The following LRMDA variants were observed in gnomAD, a reference collection of about 807,000 sequenced individuals.
LRMDA encodes leucine rich melanocyte differentiation associated.
LRMDA carries 18 observed loss-of-function variants against 29.8 expected under a neutral mutation model. That is an observed-to-expected ratio of 0.60 (90% CI 0.42 to 0.90). LRMDA has a LOEUF of 0.90. Ranked by LOEUF, LRMDA falls within the 40% of genes least tolerant of loss-of-function variation. LRMDA has a pLI of 0.00. For missense variants in LRMDA, 273 were observed against 273.9 expected, an observed-to-expected ratio of 1.00 and a Z score of 0.02; for synonymous variants, 125 against 109.4, an observed-to-expected ratio of 1.14 and a Z score of -0.89.
At chr10:76,194,826 C>G (rs539023538) in intron 5 of LRMDA, among the ~76,000 whole-genome samples, 39 of 152,260 alleles carry the variant, frequency 2.6e-4, no homozygotes, top group African/African-American at 9.4e-4. Flanking sequence ...CTCTATCAAA[C>G]AAAGTCAAGC....
intron 2 of LRMDA, among the ~76,000 whole-genome samples, chr10:75,980,145 C>T (rs985220099): frequency 2.6e-5 from 4 of 152,152 alleles, no homozygotes; most frequent in Non-Finnish European, 4.4e-5. Context: ...AGGGATAATT[C>T]GTGATGGAGA....
chr10:76,007,031 T>TGTGTGCGC (rs1230411095), intron 2 of LRMDA, among the ~76,000 whole-genome samples: 4 of 26,906 alleles, frequency 1.5e-4, no homozygotes, highest in Admixed American at 8.2e-4. Flanking sequence ...TGTGTGTGTG[T>TGTGTGCGC]GCGCGTGTGT....
chr10:75,627,947 T>G (rs1841272573), intron 2 of LRMDA, among the ~76,000 whole-genome samples: 1 of 152,250 alleles, frequency 6.6e-6, no homozygotes, highest in Admixed American at 6.5e-5. Flanking sequence ...TTGCTTTCAC[T>G]GAGTGGGCAG....
chr10:75,848,898 A>T (rs1008451984), intron 2 of LRMDA, among the ~76,000 whole-genome samples: 53 of 152,162 alleles, frequency 3.5e-4, no homozygotes, highest in Non-Finnish European at 4.0e-4. Flanking sequence ...GCTGTCTATC[A>T]CAGGGGCTGT....
At chr10:75,811,812 C>G (rs569940315) in intron 2 of LRMDA, among the ~76,000 whole-genome samples, 2 of 152,282 alleles carry the variant, frequency 1.3e-5, no homozygotes, top group African/African-American at 2.4e-5. Context: ...GCTCATTCAG[C>G]AAAACGGAGC....
intron 5 of LRMDA, among the ~76,000 whole-genome samples, chr10:76,180,123 G>T (rs1003135614): frequency 6.6e-6 from 1 of 151,932 alleles, no homozygotes; most frequent in Non-Finnish European, 1.5e-5. Context: ...TTCGATTTTG[G>T]GTAAACTTGA....
At chr10:75,548,053 A>T (rs1424629286) in intron 2 of LRMDA, among the ~76,000 whole-genome samples, 1 of 151,984 alleles carries the variant, frequency 6.6e-6, no homozygotes, top group Non-Finnish European at 1.5e-5. Flanking sequence ...ATCATTCTGT[A>T]TCTTTGTGGA....
chr10:76,323,975 C>T (rs1840803182), intron 5 of LRMDA, among the ~76,000 whole-genome samples: 1 of 152,192 alleles, frequency 6.6e-6, no homozygotes, highest in Non-Finnish European at 1.5e-5. Context: ...GAAGTCAGCC[C>T]TGGTTTTCCC....
At chr10:75,734,595 A>T (rs61860539) in intron 2 of LRMDA, among the ~76,000 whole-genome samples, 2 of 152,346 alleles carry the variant, frequency 1.3e-5, no homozygotes, top group South Asian at 4.1e-4. Context: ...CCATGGATTC[A>T]TGCATGTGTT....
chr10:75,579,814 C>CA (rs1254577465), intron 2 of LRMDA, among the ~76,000 whole-genome samples: 5 of 152,134 alleles, frequency 3.3e-5, no homozygotes, highest in African/African-American at 4.8e-5. Flanking sequence ...GAACCAATGA[C>CA]AAAAATCACA....
intron 5 of LRMDA, among the ~76,000 whole-genome samples, chr10:76,171,614 G>C (rs369728086): frequency 9.8e-5 from 15 of 152,324 alleles, no homozygotes; most frequent in African/African-American, 3.6e-4. Flanking sequence ...AAAAGGGAAG[G>C]GGGAGGATTT....
chr10:76,333,897 A>T (rs1456422677), intron 6 of LRMDA, among the ~76,000 whole-genome samples: 2 of 152,188 alleles, frequency 1.3e-5, no homozygotes, highest in African/African-American at 2.4e-5. Context: ...AGCTATAAGG[A>T]AGCCAGCATG....
At chr10:75,627,261 A>AT (rs202176437) in intron 2 of LRMDA, among the ~76,000 whole-genome samples, 2,831 of 152,258 alleles carry the variant, frequency 0.019, 76 homozygotes, top group African/African-American at 0.065. Flanking sequence ...ACACAGTGTG[A>AT]TTTTTTATAT....
chr10:76,023,802 T>A (rs1229302247), intron 2 of LRMDA, among the ~76,000 whole-genome samples: 1 of 152,254 alleles, frequency 6.6e-6, no homozygotes, highest in Non-Finnish European at 1.5e-5. Context: ...TCTGGAGGTT[T>A]AGCCACTGAC....
chr10:75,537,691 G>A (rs10437384), intron 2 of LRMDA, among the ~76,000 whole-genome samples: 3,820 of 152,318 alleles, frequency 0.025, 174 homozygotes, highest in African/African-American at 0.087. Context: ...GCCGGGGAGA[G>A]CATTTGCATT....
chr10:75,530,866 C>T (rs1439543719), intron 2 of LRMDA, among the ~76,000 whole-genome samples: 1 of 152,184 alleles, frequency 6.6e-6, no homozygotes, highest in African/African-American at 2.4e-5. Context: ...GGTGCCTGGG[C>T]TCCTTGCCCC....
chr10:76,132,989 T>A (rs1850024675), intron 5 of LRMDA, among the ~76,000 whole-genome samples: 1 of 137,050 alleles, frequency 7.3e-6, no homozygotes, highest in African/African-American at 2.8e-5. Context: ...TTTTTTTTTT[T>A]TTTTTGTATT....
intron 6 of LRMDA, among the ~76,000 whole-genome samples, chr10:76,407,571 A>G (rs1044979356): frequency 3.3e-5 from 5 of 152,226 alleles, no homozygotes; most frequent in African/African-American, 9.6e-5. Context: ...GCAACTCACA[A>G]CAACCCTGTA....
intron 2 of LRMDA, among the ~76,000 whole-genome samples, chr10:75,839,070 C>G (rs1844490405): frequency 6.6e-6 from 1 of 152,188 alleles, no homozygotes; most frequent in East Asian, 1.9e-4. Flanking sequence ...CTTCACTTAG[C>G]TTTTTATTTT....
Sources: allele counts gnomAD v4.1 joint callset (sites outside exome capture counted in the v4.1 genomes callset), GRCh38; gene constraint gnomAD v4.1.1; transcripts MANE v1.5; gene names NCBI Gene and HGNC (gene_info 2026-07-23, HGNC 2026-07-21).